The following MAF variants were observed in gnomAD, a reference collection of about 807,000 sequenced individuals.
MAF encodes the protein MAF bZIP transcription factor.
A neutral mutation model predicts 22.0 loss-of-function variants in MAF; 10 were observed. The ratio of observed to expected loss-of-function variants is 0.45; its 90% CI spans 0.28 to 0.77. The LOEUF (loss-of-function observed/expected upper bound fraction) is 0.77, where lower values mean the gene tolerates loss of function less well. Among genes scored for constraint, MAF ranks in the 30% least tolerant of loss-of-function variants. The probability of loss-of-function intolerance (pLI) is 0.12; values close to 1 mark genes in which losing one functional copy is unlikely to be tolerated. For synonymous variants in MAF, 337 were observed against 255.8 expected (o/e 1.32, Z -3.03); for missense variants, 544 against 548.4 (o/e 0.99, Z 0.08).
At chr16:79,333,931 T>C in the MAF span, among the ~76,000 whole-genome samples, 1 of 152,236 alleles carries the variant, frequency 6.6e-6, no homozygotes, top group Non-Finnish European at 1.5e-5. Context: ...TCGCAGCATC[T>C]CACCTGGATC....
chr16:79,393,371 T>G, the MAF span, among the ~76,000 whole-genome samples: 1 of 152,234 alleles, frequency 6.6e-6, no homozygotes, highest in Non-Finnish European at 1.5e-5. Context: ...CCAGCATTCC[T>G]GAGTGACAGG....
the MAF span, among the ~76,000 whole-genome samples, chr16:79,551,091 G>C: frequency 1.1e-3 from 168 of 152,102 alleles, no homozygotes; most frequent in Non-Finnish European, 2.2e-3. Context: ...TGTTGACAAG[G>C]ACCTCACCCT....
chr16:79,550,095 C>T, the MAF span, among the ~76,000 whole-genome samples: 4 of 152,136 alleles, frequency 2.6e-5, no homozygotes, highest in Admixed American at 2.0e-4. Flanking sequence ...ACTGCTCTCT[C>T]CAAATCCTGA....
chr16:79,486,962 T>C, the MAF span, among the ~76,000 whole-genome samples: 1 of 152,178 alleles, frequency 6.6e-6, no homozygotes, highest in South Asian at 2.1e-4. Context: ...CAGTCCATCC[T>C]AAATCTGCTG....
At chr16:79,446,837 G>A in the MAF span, among the ~76,000 whole-genome samples, 1 of 152,062 alleles carries the variant, frequency 6.6e-6, no homozygotes, top group Non-Finnish European at 1.5e-5. Context: ...GAGCCAAGGA[G>A]TTTGAGGTTG....
the MAF span, among the ~76,000 whole-genome samples, chr16:79,453,522 C>G: frequency 6.6e-6 from 1 of 152,172 alleles, no homozygotes; most frequent in Non-Finnish European, 1.5e-5. Flanking sequence ...TCATACACTA[C>G]TATTGGCAAT....
chr16:79,537,800 T>C, the MAF span, among the ~76,000 whole-genome samples: 3 of 152,154 alleles, frequency 2.0e-5, no homozygotes, highest in Non-Finnish European at 4.4e-5. Context: ...AGGTCACAGA[T>C]AGAATGTGAA....
chr16:79,268,156 T>A, the MAF span, among the ~76,000 whole-genome samples: 1 of 152,068 alleles, frequency 6.6e-6, no homozygotes, highest in Non-Finnish European at 1.5e-5. Context: ...TGTTATGCCC[T>A]CCATGACCAT....
At chr16:79,541,662 G>GTTTTT in the MAF span, among the ~76,000 whole-genome samples, 3 of 123,880 alleles carry the variant, frequency 2.4e-5, no homozygotes, top group Non-Finnish European at 5.2e-5. Flanking sequence ...GGTTTTTTTA[G>GTTTTT]TTTTTTTTTT....
the MAF span, among the ~76,000 whole-genome samples, chr16:79,407,312 T>G: frequency 4.1e-3 from 629 of 152,288 alleles, 5 homozygotes; most frequent in African/African-American, 0.014. Flanking sequence ...ACGCAGGCCC[T>G]ACGAAATGCC....
At chr16:79,357,016 G>T in the MAF span, among the ~76,000 whole-genome samples, 1 of 152,266 alleles carries the variant, frequency 6.6e-6, no homozygotes, top group African/African-American at 2.4e-5. Flanking sequence ...CAGCACTTTG[G>T]GAGGCCAAGG....
the MAF span, among the ~76,000 whole-genome samples, chr16:79,425,850 T>C: frequency 6.6e-6 from 1 of 152,170 alleles, no homozygotes; most frequent in African/African-American, 2.4e-5. Flanking sequence ...ACCTCATATG[T>C]GGTAGAATCA....
chr16:79,523,322 C>A, the MAF span, among the ~76,000 whole-genome samples: 1 of 152,228 alleles, frequency 6.6e-6, no homozygotes, highest in South Asian at 2.1e-4. Context: ...TCTTCTCCCA[C>A]TGAAGGGAGG....
the MAF span, among the ~76,000 whole-genome samples, chr16:79,396,880 G>A: frequency 6.6e-6 from 1 of 152,228 alleles, no homozygotes; most frequent in Non-Finnish European, 1.5e-5. Context: ...CACATTGTAA[G>A]CACTCCAGAA....
chr16:79,292,228 G>A, the MAF span, among the ~76,000 whole-genome samples: 1 of 152,136 alleles, frequency 6.6e-6, no homozygotes, highest in Non-Finnish European at 1.5e-5. Context: ...ATGTGATCAA[G>A]TTAGGGAGAA....
chr16:79,358,910 A>G, the MAF span, among the ~76,000 whole-genome samples: 1 of 152,210 alleles, frequency 6.6e-6, no homozygotes, highest in East Asian at 1.9e-4. Flanking sequence ...AGAAGTGGTC[A>G]GTGCTGTGAT....
the MAF span, among the ~76,000 whole-genome samples, chr16:79,465,962 G>A: frequency 1.3e-4 from 20 of 152,198 alleles, no homozygotes; most frequent in Admixed American, 4.6e-4. Flanking sequence ...GATCTCTTGG[G>A]CTTGGCAAAC....
At chr16:79,536,926 A>G in the MAF span, among the ~76,000 whole-genome samples, 2 of 152,190 alleles carry the variant, frequency 1.3e-5, no homozygotes, top group Non-Finnish European at 2.9e-5. Context: ...CCAGGAACCA[A>G]TTACCTCACA....
At chr16:79,572,209 T>C in the MAF span, among the ~76,000 whole-genome samples, 1 of 152,258 alleles carries the variant, frequency 6.6e-6, no homozygotes, top group Middle Eastern at 3.4e-3. Flanking sequence ...AAATCCTGTA[T>C]CGGTGGAGGG....
Sources: gnomAD v4.1 joint callset for allele counts (sites outside exome capture counted in the v4.1 genomes callset) on GRCh38, gnomAD v4.1.1 for gene constraint, MANE v1.5 for transcripts, NCBI Gene and HGNC (gene_info 2026-07-23, HGNC 2026-07-21) for gene names.